Variants in ATRNL1 observed in about 807,000 individuals in gnomAD.
ATRNL1 encodes attractin like 1.
A neutral mutation model predicts 182.7 loss-of-function variants in ATRNL1; 95 were observed. The ratio of observed to expected loss-of-function variants is 0.52; its 90% CI spans 0.44 to 0.62. The LOEUF (loss-of-function observed/expected upper bound fraction) is 0.62. Ranked by LOEUF, ATRNL1 falls within the 20% of genes least tolerant of loss-of-function variation. The probability of loss-of-function intolerance (pLI) is 0.00; values close to 1 mark genes in which losing one functional copy is unlikely to be tolerated. For synonymous variants in ATRNL1, 576 were observed against 568.3 expected (o/e 1.01, Z -0.19); for missense variants, 1,471 against 1,679.5 (o/e 0.88, Z 2.17).
chr10:115,356,844 T>G (rs564448518), intron 19 of ATRNL1, among the ~76,000 whole-genome samples: 1 of 152,076 alleles, frequency 6.6e-6, no homozygotes, highest in South Asian at 2.1e-4. Context: ...GGTTTACAAG[T>G]TTTTGACAAT....
intron 28 of ATRNL1, among the ~76,000 whole-genome samples, chr10:115,851,941 C>A (rs1489296288): frequency 6.6e-6 from 1 of 152,076 alleles, no homozygotes; most frequent in East Asian, 1.9e-4. Flanking sequence ...TCCAGTCACC[C>A]CGGACAGCAT....
At chr10:115,920,708 C>G (rs1381201129) in intron 28 of ATRNL1, among the ~76,000 whole-genome samples, 1 of 152,170 alleles carries the variant, frequency 6.6e-6, no homozygotes, top group East Asian at 1.9e-4. Flanking sequence ...TTTACTGTGT[C>G]TTTTACAACA....
intron 15 of ATRNL1, among the ~76,000 whole-genome samples, chr10:115,299,509 A>G (rs1296518197): frequency 6.6e-6 from 1 of 152,094 alleles, no homozygotes; most frequent in Non-Finnish European, 1.5e-5. Flanking sequence ...GCTAAGAGAG[A>G]GGCAGTTATT....
At chr10:115,386,406 T>C (rs570384240) in intron 19 of ATRNL1, among the ~76,000 whole-genome samples, 2 of 152,292 alleles carry the variant, frequency 1.3e-5, no homozygotes, top group East Asian at 3.9e-4. Context: ...GGATGAATAA[T>C]GTATACTTGA....
chr10:115,479,863 T>C (rs782140567), intron 24 of ATRNL1, among the ~76,000 whole-genome samples: 1 of 151,334 alleles, frequency 6.6e-6, no homozygotes, highest in Non-Finnish European at 1.5e-5. Flanking sequence ...TTAAGTACTT[T>C]GTATTCTACA....
chr10:115,190,075 G>A (rs578020372), intron 8 of ATRNL1, among the ~76,000 whole-genome samples: 1 of 152,084 alleles, frequency 6.6e-6, no homozygotes, highest in Admixed American at 6.6e-5. Context: ...CACAGCCTAG[G>A]TATGTAGTAG....
intron 1 of ATRNL1, among the ~76,000 whole-genome samples, chr10:115,119,774 T>G (rs559796085): frequency 6.6e-6 from 1 of 152,098 alleles, no homozygotes; most frequent in African/African-American, 2.4e-5. Flanking sequence ...GCTTACATGC[T>G]AACTCCCCAA....
intron 26 of ATRNL1, among the ~76,000 whole-genome samples, chr10:115,601,774 A>G (rs1856606122): frequency 6.6e-6 from 1 of 152,126 alleles, no homozygotes; most frequent in East Asian, 1.9e-4. Context: ...TTTCTTATAG[A>G]CAGCATATAG....
chr10:115,557,571 A>G, intron 26 of ATRNL1, among the ~76,000 whole-genome samples: 1 of 152,188 alleles, frequency 6.6e-6, no homozygotes, highest in Non-Finnish European at 1.5e-5. Flanking sequence ...CATTGTATTT[A>G]GCCACTTAGA....
intron 25 of ATRNL1, among the ~76,000 whole-genome samples, chr10:115,524,428 A>G (rs2133717963): frequency 6.6e-6 from 1 of 152,348 alleles, no homozygotes; most frequent in East Asian, 1.9e-4. Context: ...CTTGTGTGTA[A>G]AATGGAAAAG....
At chr10:115,375,782 A>G (rs936381578) in intron 19 of ATRNL1, among the ~76,000 whole-genome samples, 2 of 151,912 alleles carry the variant, frequency 1.3e-5, no homozygotes, top group Non-Finnish European at 2.9e-5. Flanking sequence ...TATTTTTTAT[A>G]TTGTTTTTAG....
rs1272743180 is a variant in ATRNL1, at chr10:115,587,984, AT to A, written c.3795+38450del. ...GAAAGAAATAAGAAATGAAAATCAA[AT>A]TCAAGTATAATAGTAAACATGATAA... On this transcript the variant is annotated intron_variant, in intron 26 of 28. Coordinates refer to ENST00000355044, the MANE Select transcript of ATRNL1 (RefSeq NM_207303.4). Among the ~76,000 whole-genome samples, 5 of 152,184 alleles carry A rather than the reference AT, an allele frequency of 3.3e-5. No homozygotes were observed. In the East Asian group the frequency reaches 9.6e-4, roughly 29 times the overall value.
intron 19 of ATRNL1, among the ~76,000 whole-genome samples, chr10:115,368,947 C>G (rs1554947118): frequency 2.6e-5 from 4 of 152,074 alleles, no homozygotes; most frequent in African/African-American, 9.7e-5. Flanking sequence ...CTCCTGACCT[C>G]AGGTGATCTG....
chr10:115,385,146 G>T (rs1225892643), intron 19 of ATRNL1, among the ~76,000 whole-genome samples: 1 of 151,986 alleles, frequency 6.6e-6, no homozygotes, highest in East Asian at 1.9e-4. Flanking sequence ...CAAAGTAATT[G>T]TATCATTGCA....
At chr10:115,203,543 G>T (rs1848675728) in intron 8 of ATRNL1, among the ~76,000 whole-genome samples, 1 of 149,838 alleles carries the variant, frequency 6.7e-6, no homozygotes, top group Non-Finnish European at 1.5e-5. Context: ...GAGCCTCTTA[G>T]GATTCTTAAA....
chr10:115,538,146 T>C (rs1288560220), intron 25 of ATRNL1, among the ~76,000 whole-genome samples: 17 of 152,262 alleles, frequency 1.1e-4, no homozygotes, highest in African/African-American at 3.9e-4. Context: ...TTATAAATAA[T>C]GCTGCTGTGA....
At chr10:115,163,520 T>C (rs574611169) in intron 6 of ATRNL1, among the ~76,000 whole-genome samples, 148 of 152,020 alleles carry the variant, frequency 9.7e-4, no homozygotes, top group African/African-American at 3.3e-3. Context: ...TGCAACACTA[T>C]GCCTGGCTAA....
At chr10:115,778,951 G>A (rs1316292318) in intron 27 of ATRNL1, among the ~76,000 whole-genome samples, 3 of 152,206 alleles carry the variant, frequency 2.0e-5, no homozygotes, top group African/African-American at 4.8e-5. Flanking sequence ...GTATACCAAA[G>A]TGGGGTTCAG....
chr10:115,103,110 T>G (rs1243868184), intron 1 of ATRNL1, among the ~76,000 whole-genome samples: 1 of 150,890 alleles, frequency 6.6e-6, no homozygotes, highest in Non-Finnish European at 1.5e-5. Flanking sequence ...TGATCTCGGC[T>G]CAATGCAACC....
Sources: gnomAD v4.1 joint callset for allele counts (sites outside exome capture counted in the v4.1 genomes callset) on GRCh38, gnomAD v4.1.1 for gene constraint, MANE v1.5 for transcripts, NCBI Gene and HGNC (gene_info 2026-07-23, HGNC 2026-07-21) for gene names.